Variants in MET observed in about 807,000 individuals in gnomAD.
The protein encoded by MET is MET proto-oncogene, receptor tyrosine kinase.
In MET, 48 loss-of-function variants were observed where a neutral mutation model predicts 133.1. The observed-to-expected ratio is 0.36, with a 90% CI of 0.29 to 0.46. The LOEUF (loss-of-function observed/expected upper bound fraction) is 0.46. Among genes scored for constraint, MET ranks in the 20% least tolerant of loss-of-function variants. The pLI is 1.00. For missense variants in MET, 1,442 were observed against 1,695.9 expected (o/e 0.85, Z 2.63); for synonymous variants, 628 against 616.5 (o/e 1.02, Z -0.28).
intron 1 of MET, among the ~76,000 whole-genome samples, chr7:116,694,920 C>T (rs1213225485): frequency 1.3e-5 from 2 of 152,042 alleles, no homozygotes; most frequent in South Asian, 2.1e-4. Context: ...CTCCTGACCA[C>T]GTGATCCACC....
chr7:116,714,743 A>ACG (rs1554382816), intron 2 of MET, among the ~76,000 whole-genome samples: 27 of 117,164 alleles, frequency 2.3e-4, no homozygotes, highest in Admixed American at 6.1e-4. Context: ...ACTCACATGC[A>ACG]CGCACACACA....
chr7:116,722,465 C>A (rs1357412101), intron 2 of MET, among the ~76,000 whole-genome samples: 1 of 151,180 alleles, frequency 6.6e-6, no homozygotes, highest in Non-Finnish European at 1.5e-5. Flanking sequence ...TTAATTGGAG[C>A]ATTTAGTCCA....
At position 116,786,766 on chromosome 7, in the gene MET, C is replaced by T. The variant is rs750511986; in HGVS notation, c.3798+3297C>T. Among the ~76,000 whole-genome samples the T allele has an allele frequency of 6.6e-5, 10 of 152,266 alleles. No individual in the cohort carries two copies. In the East Asian group the frequency reaches 1.9e-3, roughly 29 times the overall value. ...ATGACAACTAAAAAAGGAAAATGTGCAAACAAAGTAGTCAGAAAATAATGT... is the reference window on the plus strand; with the variant it reads ...ATGACAACTAAAAAAGGAAAATGTGTAAACAAAGTAGTCAGAAAATAATGT... On this transcript the variant is annotated intron_variant, in intron 19 of 20. Transcript: ENST00000397752.
At chr7:116,778,275 G>A (rs1795052995) in intron 16 of MET, among the ~76,000 whole-genome samples, 1 of 152,134 alleles carries the variant, frequency 6.6e-6, no homozygotes, top group South Asian at 2.1e-4. Flanking sequence ...TTTTCTGCTT[G>A]CAAATTGCAG....
rs535592040 is a variant in MET at position 116,695,168 on chromosome 7, A to G, written c.-14-3903A>G. Among the ~76,000 whole-genome samples, 4 of 152,294 alleles carry G rather than the reference A, an allele frequency of 2.6e-5. No individual in the cohort carries two copies. In the South Asian group the frequency reaches 6.2e-4, roughly 24 times the overall value. On this transcript the variant is annotated intron_variant, in intron 1 of 20. Coordinates refer to ENST00000397752, the MANE Select transcript of MET (RefSeq NM_000245.4). ...TATTAAGCTCAATTTTGTTAGATACACTGATACCATATTGATAAGTGCAGT... is the reference window on the plus strand; with the variant it reads ...TATTAAGCTCAATTTTGTTAGATACGCTGATACCATATTGATAAGTGCAGT...
chr7:116,726,471 T>A (rs1792789876), intron 2 of MET, among the ~76,000 whole-genome samples: 1 of 151,924 alleles, frequency 6.6e-6, no homozygotes, highest in South Asian at 2.1e-4. Context: ...TCTTTGTCAC[T>A]ATTTCCCTTT....
At position 116,740,007 on chromosome 7, in the gene MET, C is replaced by T. The variant is rs771272439; in HGVS notation, c.1450C>T (p.His484Tyr). 5.6e-6 allele frequency: 9 copies of T among 1,614,052 alleles called. No individual in the cohort carries two copies. In the Admixed American group the frequency reaches 1.5e-4, roughly 27 times the overall value. ...TPHVNFLLDS[H>Y]PVSPEVIVEH... ...TCATGTGAATTTTCTCCTGGACTCC[C>T]ATCCAGTGTCTCCAGAAGTGATTGT... is the stretch of plus-strand genomic sequence containing the variant. The change falls in exon 4 of 21, where the codon CAT becomes TAT. Residue 484 changes from histidine to tyrosine, a missense_variant. Physicochemically the swap from His to Tyr is moderately conservative, Grantham distance 83. Transcript: ENST00000397752.
intron 3 of MET, among the ~76,000 whole-genome samples, chr7:116,736,038 A>G (rs1793199240): frequency 1.3e-5 from 2 of 152,058 alleles, no homozygotes; most frequent in Non-Finnish European, 2.9e-5. Context: ...TTGGCCTCCC[A>G]AAGTGCTGGG....
At chr7:116,742,183 A>C (rs1470104314) in intron 5 of MET, among the ~76,000 whole-genome samples, 1 of 152,182 alleles carries the variant, frequency 6.6e-6, no homozygotes, top group Non-Finnish European at 1.5e-5. Flanking sequence ...CCCCAAGTGC[A>C]TGGCTGTTTT....
chr7:116,749,708 C>T (rs1230894448), intron 5 of MET, among the ~76,000 whole-genome samples: 2 of 152,144 alleles, frequency 1.3e-5, no homozygotes, highest in Admixed American at 6.6e-5. Context: ...ATTTAGAAAA[C>T]CCCATCGTCT....
At chr7:116,758,010 C>T (rs1794255604) in intron 8 of MET, among the ~76,000 whole-genome samples, 2 of 152,126 alleles carry the variant, frequency 1.3e-5, no homozygotes, top group African/African-American at 2.4e-5. Flanking sequence ...TTCCCATCCA[C>T]CCTCTTTATT....
At chr7:116,716,160 G>A (rs1314882291) in intron 2 of MET, among the ~76,000 whole-genome samples, 2 of 151,938 alleles carry the variant, frequency 1.3e-5, no homozygotes, top group Non-Finnish European at 2.9e-5. Flanking sequence ...GCTGAGGAGG[G>A]AGGATCTCTT....
intron 1 of MET, among the ~76,000 whole-genome samples, chr7:116,692,910 T>C (rs1263702747): frequency 3.3e-5 from 5 of 152,204 alleles, no homozygotes; most frequent in Non-Finnish European, 7.3e-5. Context: ...GAACTCAAAG[T>C]TGGTTAAATG....
intron 2 of MET, among the ~76,000 whole-genome samples, chr7:116,712,018 G>GTACA (rs1353712617): frequency 6.6e-6 from 1 of 152,172 alleles, no homozygotes; most frequent in Non-Finnish European, 1.5e-5. Flanking sequence ...AGGAAGAGAT[G>GTACA]TACACACTTG....
chr7:116,788,135 G>A (rs1795374474), intron 19 of MET, among the ~76,000 whole-genome samples: 1 of 152,178 alleles, frequency 6.6e-6, no homozygotes, highest in South Asian at 2.1e-4. Context: ...CAGAACTACA[G>A]AGTCAGAAAA....
chr7:116,719,922 G>A (rs369881530), intron 2 of MET, among the ~76,000 whole-genome samples: 137 of 152,138 alleles, frequency 9.0e-4, no homozygotes, highest in Middle Eastern at 3.4e-3. Context: ...GTCAGGTAGC[G>A]TGATGCCTCC....
chr7:116,747,164 C>T (rs978388325), intron 5 of MET, among the ~76,000 whole-genome samples: 25 of 152,124 alleles, frequency 1.6e-4, no homozygotes, highest in African/African-American at 5.6e-4. Context: ...AAGGAAAAAC[C>T]GGTACCACCT....
In MET at chr7:116,757,330, C is replaced by T; in HGVS notation, c.1863-107C>T. On this transcript the variant is annotated intron_variant, in intron 6 of 20. Transcript: ENST00000397752. ...TTATCTTGAAACTCTGCTTGCTATT[C>T]AAAGCAGTCAGCTCACCATTTAGAG... 3.4e-6 allele frequency: 3 copies of T among 874,112 alleles called. No homozygotes were observed. In the Admixed American group the frequency reaches 5.9e-5, roughly 17 times the overall value. 54.1% of individuals were successfully genotyped at this position (874,112 alleles called of 1,614,324 possible). A position where few individuals can be genotyped will look rare whatever the true frequency, so the allele number is the denominator to read the frequency against.
At chr7:116,745,562 G>A (rs1793639732) in intron 5 of MET, among the ~76,000 whole-genome samples, 1 of 152,112 alleles carries the variant, frequency 6.6e-6, no homozygotes. Flanking sequence ...AAACAGCATG[G>A]TACTGGCACC....
Sources: gnomAD v4.1 joint callset for allele counts (sites outside exome capture counted in the v4.1 genomes callset) on GRCh38, gnomAD v4.1.1 for gene constraint, MANE v1.5 for transcripts, NCBI Gene and HGNC (gene_info 2026-07-23, HGNC 2026-07-21) for gene names.